ERC1: variants seen among roughly 807,000 people sequenced by gnomAD.
ERC1 encodes RAB6 interacting protein 2.
ERC1 carries 56 observed loss-of-function variants against 132.0 expected under a neutral mutation model. The ratio of observed to expected loss-of-function variants is 0.42; its 90% CI spans 0.34 to 0.53. ERC1 has a LOEUF of 0.53. Ranked by LOEUF, ERC1 falls within the 20% of genes least tolerant of loss-of-function variation. The probability of loss-of-function intolerance (pLI) is 0.03; values close to 1 mark genes in which losing one functional copy is unlikely to be tolerated. For synonymous variants in ERC1, 478 were observed against 476.1 expected (o/e 1.00, Z -0.05); for missense variants, 1,202 against 1,349.9 (o/e 0.89, Z 1.72).
chr12:1,403,008 C>CTTATGTA (rs2091203274), intron 16 of ERC1, among the ~76,000 whole-genome samples: 1 of 152,124 alleles, frequency 6.6e-6, no homozygotes, highest in African/African-American at 2.4e-5. Flanking sequence ...TGTCTCTTAG[C>CTTATGTA]TTATGTATTC....
chr12:1,327,918 A>G (rs1248409957), intron 15 of ERC1, among the ~76,000 whole-genome samples: 1 of 152,110 alleles, frequency 6.6e-6, no homozygotes, highest in East Asian at 1.9e-4. Flanking sequence ...TCAAGCCAGA[A>G]ACTAATTAAA....
chr12:1,350,307 T>C (rs1263933001), intron 15 of ERC1, among the ~76,000 whole-genome samples: 2 of 152,190 alleles, frequency 1.3e-5, no homozygotes, highest in African/African-American at 2.4e-5. Flanking sequence ...TGAGACCTAT[T>C]GTATTTTTTA....
At chr12:1,167,148 A>G (rs1400594256) in intron 8 of ERC1, among the ~76,000 whole-genome samples, 1 of 152,218 alleles carries the variant, frequency 6.6e-6, no homozygotes, top group Non-Finnish European at 1.5e-5. Flanking sequence ...GAAGGGTCAG[A>G]TCCCTCTTCT....
chr12:1,395,524 A>C (rs907527826), intron 16 of ERC1, among the ~76,000 whole-genome samples: 1 of 152,142 alleles, frequency 6.6e-6, no homozygotes, highest in Non-Finnish European at 1.5e-5. Context: ...TAAAGTCTGC[A>C]CAGCATATGG....
intron 3 of ERC1, among the ~76,000 whole-genome samples, chr12:1,097,544 G>A (rs1273345337): frequency 6.6e-6 from 1 of 151,954 alleles, no homozygotes; most frequent in African/African-American, 2.4e-5. Context: ...TCAACTCATG[G>A]CTCTCTGATA....
intron 1 of ERC1, among the ~76,000 whole-genome samples, chr12:1,018,717 T>A (rs1015581984): frequency 3.9e-5 from 6 of 152,256 alleles, no homozygotes; most frequent in Admixed American, 1.3e-4. Flanking sequence ...ATTGTGGCGT[T>A]GGCAAACACT....
intron 2 of ERC1, among the ~76,000 whole-genome samples, chr12:1,078,622 A>G (rs193192547): frequency 3.4e-4 from 48 of 142,774 alleles, no homozygotes; most frequent in Non-Finnish European, 7.0e-4. Flanking sequence ...ATCATAAACA[A>G]TGTTAAAAGA....
At chr12:1,433,815 G>A (rs1440358404) in intron 17 of ERC1, among the ~76,000 whole-genome samples, 1 of 152,084 alleles carries the variant, frequency 6.6e-6, no homozygotes, top group Admixed American at 6.6e-5. Flanking sequence ...TGTATGTTGT[G>A]TATATTTGGG....
At chr12:1,423,120 C>T (rs1221106612) in intron 17 of ERC1, among the ~76,000 whole-genome samples, 2 of 152,158 alleles carry the variant, frequency 1.3e-5, no homozygotes, top group African/African-American at 4.8e-5. Context: ...CCAACTAACC[C>T]CCTACCTAGG....
intron 12 of ERC1, among the ~76,000 whole-genome samples, chr12:1,193,136 T>A (rs1006497774): frequency 1.8e-4 from 28 of 152,272 alleles, no homozygotes; most frequent in African/African-American, 6.7e-4. Context: ...ATGGTTCAGA[T>A]TGTATTATGA....
intron 5 of ERC1, 87 bp downstream of exon 5, chr12:1,110,434 AT>A: frequency 9.3e-7 from 1 of 1,073,474 alleles, no homozygotes; most frequent in Non-Finnish European, 1.3e-6. Flanking sequence ...ATAAAGCCGT[AT>A]TTTACACTCT....
rs115354440 is a variant in ERC1, at chr12:1,173,127, A to G, written c.1738-7413A>G. ...ATGGTATACTATATTAATAAACACTATAATCATAAGAAATCATTTATGGAA... is the reference window on the plus strand; with the variant it reads ...ATGGTATACTATATTAATAAACACTGTAATCATAAGAAATCATTTATGGAA... On this transcript the variant is annotated intron_variant, in intron 8 of 18. Transcript: ENST00000360905. Among the ~76,000 whole-genome samples the G allele has an allele frequency of 8.4e-3, 1,277 of 152,324 alleles. 11 individuals are homozygous for G. Among genetic ancestry groups the G allele is most frequent in the African/African-American group, 0.029 (1,221 of 41,544 alleles).
At chr12:1,382,311 AG>A (rs1356383453) in intron 16 of ERC1, among the ~76,000 whole-genome samples, 1 of 152,236 alleles carries the variant, frequency 6.6e-6, no homozygotes, top group Non-Finnish European at 1.5e-5. Context: ...TTAAAGCCAC[AG>A]CAGAAAAAGA....
Position 1,049,302 on chromosome 12 carries a change from A to G in ERC1, c.669+20730A>G, listed in dbSNP as rs537410219. Among the ~76,000 whole-genome samples, 9 of 152,372 alleles carry G rather than the reference A, an allele frequency of 5.9e-5. No individual in the cohort carries two copies. In the South Asian group the frequency reaches 1.9e-3, roughly 32 times the overall value. ...GGATTGGCAAAAACGTTGCCTGCTC[A>G]TGGCAGATCATCTCTAAATCTCTCT... On this transcript the variant is annotated intron_variant, in intron 2 of 18. Transcript: ENST00000360905.
At chr12:1,060,422 C>G (rs978343751) in intron 2 of ERC1, among the ~76,000 whole-genome samples, 2 of 151,010 alleles carry the variant, frequency 1.3e-5, no homozygotes, top group African/African-American at 4.9e-5. Context: ...TGAGAACATG[C>G]GGTGTTTGGT....
intron 13 of ERC1, among the ~76,000 whole-genome samples, chr12:1,245,122 T>TATGCAC (rs1485024127): frequency 6.6e-6 from 1 of 152,218 alleles, no homozygotes; most frequent in Non-Finnish European, 1.5e-5. Context: ...ATTTTTAAAG[T>TATGCAC]ATGCACATGC....
At chr12:1,356,652 T>G (rs1289662221) in intron 15 of ERC1, among the ~76,000 whole-genome samples, 1 of 152,216 alleles carries the variant, frequency 6.6e-6, no homozygotes, top group Non-Finnish European at 1.5e-5. Flanking sequence ...CGTATGCCCC[T>G]TATTAAAAGG....
rs370258176 is a variant in ERC1, at chr12:1,339,481, A to G, written c.2781-32352A>G. 9.0e-3 allele frequency among the ~76,000 whole-genome samples: 1,259 copies of G among 139,652 alleles called. 13 individuals are homozygous for G. Among genetic ancestry groups the G allele is most frequent in the South Asian group, 0.028 (112 of 3,994 alleles). 91.6% of individuals were successfully genotyped at this position (139,652 alleles called of 152,430 possible). On this transcript the variant is annotated intron_variant, in intron 15 of 18. Transcript: ENST00000360905. ...TTCACTGCAGTGGCAGAGGCAGCTC[A>G]GCTGGACAACTGTGACAGGGTGCTA...
intron 7 of ERC1, among the ~76,000 whole-genome samples, chr12:1,123,682 C>T (rs1218360889): frequency 6.6e-6 from 1 of 152,148 alleles, no homozygotes; most frequent in African/African-American, 2.4e-5. Context: ...ATCGATGCAC[C>T]TAACAGCATG....
Sources: gnomAD v4.1 joint callset for allele counts (sites outside exome capture counted in the v4.1 genomes callset) on GRCh38, gnomAD v4.1.1 for gene constraint, MANE v1.5 for transcripts, NCBI Gene and HGNC (gene_info 2026-07-23, HGNC 2026-07-21) for gene names.